AGMO: variants seen among roughly 807,000 people sequenced by gnomAD.
The protein encoded by AGMO is glyceryl-ether monooxygenase.
A neutral mutation model predicts 60.2 loss-of-function variants in AGMO; 75 were observed. The ratio of observed to expected loss-of-function variants is 1.25; its 90% confidence interval spans 1.03 to 1.51. The LOEUF (loss-of-function observed/expected upper bound fraction) is 1.51. AGMO is among the 40% of genes most tolerant of loss of function. AGMO has a pLI of 0.00. For missense variants in AGMO, 763 were observed against 525.5 expected, an observed-to-expected ratio of 1.45 and a Z score of -4.42; for synonymous variants, 261 against 177.1, an observed-to-expected ratio of 1.47 and a Z score of -3.76.
At chr7:15,138,293 A>G in the AGMO span, among the ~76,000 whole-genome samples, 7 of 152,226 alleles carry the variant, frequency 4.6e-5, no homozygotes, top group Non-Finnish European at 4.4e-5. Context: ...AATTGAAGTT[A>G]GAAAGTAATG....
chr7:15,306,417 T>C (rs1347311475), intron 12 of AGMO: 1 of 419,320 alleles, frequency 2.4e-6, no homozygotes, highest in South Asian at 1.8e-5. Flanking sequence ...AAAAAATAGT[T>C]TGGTAGAGAA....
At chr7:15,510,519 G>C (rs1384686932) in intron 3 of AGMO, among the ~76,000 whole-genome samples, 1 of 144,432 alleles carries the variant, frequency 6.9e-6, no homozygotes, top group Non-Finnish European at 1.5e-5. Context: ...GATACTGTGA[G>C]ATGCTGTCAT....
At chr7:15,287,934 G>T (rs1784146258) in intron 12 of AGMO, among the ~76,000 whole-genome samples, 1 of 152,048 alleles carries the variant, frequency 6.6e-6, no homozygotes, top group Admixed American at 6.5e-5. Context: ...TATTTTTCAG[G>T]TGCTATGGAA....
intron 12 of AGMO, chr7:15,358,272 G>T: frequency 2.8e-6 from 1 of 355,282 alleles, no homozygotes. Flanking sequence ...GAGTCTTAAG[G>T]TTGCTGCTTT....
At chr7:15,406,412 T>C (rs1439542204) in intron 5 of AGMO, among the ~76,000 whole-genome samples, 1 of 132,054 alleles carries the variant, frequency 7.6e-6, no homozygotes, top group Non-Finnish European at 1.6e-5. Flanking sequence ...TATGTGTATA[T>C]ATACACATAT....
intron 1 of AGMO, among the ~76,000 whole-genome samples, chr7:15,560,685 A>G (rs1327155578): frequency 6.6e-6 from 1 of 152,200 alleles, no homozygotes; most frequent in East Asian, 1.9e-4. Context: ...AATTTTTCAT[A>G]TTAGACTTAC....
At chr7:15,420,435 C>T (rs1206573774) in intron 4 of AGMO, among the ~76,000 whole-genome samples, 3 of 152,022 alleles carry the variant, frequency 2.0e-5, no homozygotes, top group Admixed American at 6.6e-5. Flanking sequence ...GAAAAATAAG[C>T]TCACTATGAA....
chr7:15,457,790 T>TA (rs1782036997), intron 3 of AGMO, among the ~76,000 whole-genome samples: 1 of 152,144 alleles, frequency 6.6e-6, no homozygotes, highest in Admixed American at 6.6e-5. Context: ...AAGAGTACCT[T>TA]ACACCTACCA....
chr7:15,417,702 A>G (rs1321254917), intron 5 of AGMO, among the ~76,000 whole-genome samples: 1 of 152,202 alleles, frequency 6.6e-6, no homozygotes, highest in Non-Finnish European at 1.5e-5. Flanking sequence ...ATTCCAAGTA[A>G]ATCAGTAGCA....
chr7:15,487,020 A>C (rs1387087551), intron 3 of AGMO, among the ~76,000 whole-genome samples: 1 of 152,208 alleles, frequency 6.6e-6, no homozygotes, highest in Non-Finnish European at 1.5e-5. Context: ...AGCTGTTAAA[A>C]AACATTCAGA....
At chr7:15,168,185 C>T in the AGMO span, among the ~76,000 whole-genome samples, 10 of 152,320 alleles carry the variant, frequency 6.6e-5, 1 homozygote, top group South Asian at 2.1e-3. Flanking sequence ...CTTCAGGGTA[C>T]ATATGCTTAG....
chr7:15,149,723 G>T, the AGMO span, among the ~76,000 whole-genome samples: 81 of 152,224 alleles, frequency 5.3e-4, no homozygotes, highest in African/African-American at 1.7e-3. Flanking sequence ...CAGCCTTGTA[G>T]TATAGTTTGG....
At chr7:15,357,429 C>A (rs1782580910) in intron 12 of AGMO, among the ~76,000 whole-genome samples, 1 of 151,872 alleles carries the variant, frequency 6.6e-6, no homozygotes, top group East Asian at 1.9e-4. Context: ...ATAAATAAAA[C>A]CTCAGCGTGG....
chr7:15,350,197 C>T (rs1224585131), intron 12 of AGMO, among the ~76,000 whole-genome samples: 1 of 152,100 alleles, frequency 6.6e-6, no homozygotes, highest in Non-Finnish European at 1.5e-5. Context: ...TAGACCAATC[C>T]AGTGTCAGAT....
the AGMO span, among the ~76,000 whole-genome samples, chr7:15,157,145 C>T: frequency 6.6e-6 from 1 of 152,056 alleles, no homozygotes; most frequent in South Asian, 2.1e-4. Context: ...TTACTATGTG[C>T]CTGACAGTCT....
At chr7:15,556,645 A>T (rs1052167532) in intron 2 of AGMO, among the ~76,000 whole-genome samples, 1 of 152,090 alleles carries the variant, frequency 6.6e-6, no homozygotes, top group Non-Finnish European at 1.5e-5. Flanking sequence ...GCAGGAAAAA[A>T]ATGTGATTAT....
the AGMO span, among the ~76,000 whole-genome samples, chr7:15,127,192 A>G: frequency 6.6e-6 from 1 of 152,094 alleles, no homozygotes; most frequent in African/African-American, 2.4e-5. Flanking sequence ...ACATGTTCTC[A>G]GGACCTCCTG....
the AGMO span, among the ~76,000 whole-genome samples, chr7:15,132,218 T>G: frequency 6.6e-6 from 1 of 152,122 alleles, no homozygotes; most frequent in Non-Finnish European, 1.5e-5. Flanking sequence ...AAGTGTTGAC[T>G]TTATTTAGGC....
chr7:15,322,166 A>G (rs560809228), intron 12 of AGMO, among the ~76,000 whole-genome samples: 53 of 151,472 alleles, frequency 3.5e-4, no homozygotes, highest in African/African-American at 1.3e-3. Flanking sequence ...TCTAAATAAA[A>G]TATTGAAAAA....
Sources: gnomAD v4.1 joint callset for allele counts (sites outside exome capture counted in the v4.1 genomes callset) on GRCh38, gnomAD v4.1.1 for gene constraint, MANE v1.5 for transcripts, NCBI Gene and HGNC (gene_info 2026-07-23, HGNC 2026-07-21) for gene names.